The following PSEN1 variants were observed in gnomAD, a reference collection of about 807,000 sequenced individuals.
The protein encoded by PSEN1 is presenilin 1.
Under a neutral mutation model 53.5 loss-of-function variants are expected in PSEN1, and 15 were observed. The observed-to-expected ratio is 0.28, with a 90% CI of 0.19 to 0.43. The LOEUF (loss-of-function observed/expected upper bound fraction) is 0.43, where lower values mean the gene tolerates loss of function less well. Among genes scored for constraint, PSEN1 ranks in the 20% least tolerant of loss-of-function variants. The pLI, the probability that PSEN1 is intolerant of heterozygous loss-of-function variation, is 1.00. For synonymous variants in PSEN1, 208 were observed against 209.8 expected, an observed-to-expected ratio of 0.99 and a Z score of 0.08; for missense variants, 387 against 571.2, an observed-to-expected ratio of 0.68 and a Z score of 3.29.
At position 73,148,004 on chromosome 14, in the gene PSEN1, C is replaced by G; in HGVS notation, c.-16C>G. On this transcript the variant is annotated 5_prime_UTR_variant, in exon 3 of 12. Coordinates refer to ENST00000324501, the MANE Select transcript of PSEN1 (RefSeq NM_000021.4). ...CTTTGTTTTCTGTGAAACAGTATTT[C>G]TATACAGTTGCTCCAATGACAGAGT... is the stretch of plus-strand genomic sequence containing the variant. 6.3e-7 allele frequency: 1 copy of G among 1,595,670 alleles called. No homozygotes were observed. Among genetic ancestry groups the G allele is most frequent in the Non-Finnish European group, 8.6e-7 (1 of 1,163,148 alleles).
At chr14:73,155,364 A>T (rs1897324537) in intron 3 of PSEN1, among the ~76,000 whole-genome samples, 1 of 152,170 alleles carries the variant, frequency 6.6e-6, no homozygotes, top group Non-Finnish European at 1.5e-5. Context: ...GTTTTATTTA[A>T]ATTAAATGAG....
At chr14:73,146,211 C>CA (rs1227713830) in intron 1 of PSEN1, 1 of 99,384 alleles carries the variant, frequency 1.0e-5, no homozygotes. Flanking sequence ...TTTTTAAAAA[C>CA]AGAGTCTCAC....
In PSEN1 at chr14:73,192,687, G is replaced by C. The variant is rs201375628; in HGVS notation, c.592G>C (p.Val198Leu). The C allele has an allele frequency of 2.5e-6, 4 of 1,613,908 alleles. No homozygotes were observed. Among genetic ancestry groups the C allele is most frequent in the Non-Finnish European group, 3.4e-6 (4 of 1,180,000 alleles). The change falls in exon 7 of 12, where the codon GTT becomes CTT. Residue 198 changes from valine to leucine, a missense_variant. By Grantham distance (32) the Val-to-Leu change is conservative. Coordinates refer to ENST00000324501, the MANE Select transcript of PSEN1 (RefSeq NM_000021.4). ...TYNVAVDYIT[V>L]ALLIWNFGVV... ...TAACGTTGCTGTGGACTACATTACT[G>C]TTGCACTCCTGATCTGGAATTTTGG...
intron 6 of PSEN1, among the ~76,000 whole-genome samples, chr14:73,192,173 C>T (rs1898746924): frequency 6.6e-6 from 1 of 152,118 alleles, no homozygotes; most frequent in East Asian, 1.9e-4. Context: ...CACCGTGGCT[C>T]ATGCTTGTAA....
intron 11 of PSEN1, among the ~76,000 whole-genome samples, chr14:73,217,987 C>T (rs1197249632): frequency 6.6e-6 from 1 of 151,372 alleles, no homozygotes; most frequent in African/African-American, 2.4e-5. Flanking sequence ...AGGGTTTCAC[C>T]ATGTTGGCCA....
chr14:73,155,736 CT>C (rs1897335671), intron 3 of PSEN1, among the ~76,000 whole-genome samples: 1 of 152,048 alleles, frequency 6.6e-6, no homozygotes, highest in Non-Finnish European at 1.5e-5. Context: ...CCAGGCCGGT[CT>C]TGAACTCCTG....
Position 73,223,039 on chromosome 14 carries a change from C to T in PSEN1, c.*3750C>T, listed in dbSNP as rs1594762268. On this transcript the variant is annotated 3_prime_UTR_variant, in exon 12 of 12. Coordinates refer to ENST00000324501, the MANE Select transcript of PSEN1 (RefSeq NM_000021.4). The stretch of plus-strand genomic sequence containing the variant: ...CTCACCTCTTTAAATTCCCACAACA[C>T]AAGAGATTAAAAACAGAGGTTTCAG... The T allele has an allele frequency of 6.6e-6, 1 of 152,208 alleles. No homozygotes were observed. Among genetic ancestry groups the T allele is most frequent in the African/African-American group, 2.4e-5 (1 of 41,440 alleles). The allele number at this position is 152,208 out of a possible 1,614,324, so 9.4% of individuals were successfully genotyped here.
intron 1 of PSEN1, chr14:73,147,586 G>A: frequency 4.6e-6 from 1 of 215,736 alleles, no homozygotes; most frequent in South Asian, 6.9e-5. Context: ...AAGTATCTTT[G>A]TGGTTGAAAA....
At position 73,174,811 on chromosome 14, in the gene PSEN1, C is replaced by T. The variant is rs927983748; in HGVS notation, c.480+1104C>T. Among the ~76,000 whole-genome samples, 17 of 152,130 alleles carry T rather than the reference C, an allele frequency of 1.1e-4. 1 individual carries two copies. Among genetic ancestry groups the T allele is most frequent in the Admixed American group, 8.5e-4 (13 of 15,270 alleles). The stretch of plus-strand genomic sequence containing the variant: ...TGTACTACTTCCTTCCTTGGGAAGT[C>T]GGGCGCTGGGAGGTTGTACAGGAAA... On this transcript the variant is annotated intron_variant, in intron 5 of 11. Coordinates refer to ENST00000324501, the MANE Select transcript of PSEN1 (RefSeq NM_000021.4).
chr14:73,198,512 G>C (rs929837585), intron 8 of PSEN1, among the ~76,000 whole-genome samples: 6 of 152,184 alleles, frequency 3.9e-5, no homozygotes, highest in Admixed American at 3.3e-4. Flanking sequence ...GAGCAGAGCC[G>C]TGCCTTTGTA....
intron 8 of PSEN1, among the ~76,000 whole-genome samples, chr14:73,203,258 T>G (rs1483101174): frequency 6.6e-6 from 1 of 152,092 alleles, no homozygotes; most frequent in East Asian, 1.9e-4. Flanking sequence ...TTTTGTATTT[T>G]TGTATTTTTA....
chr14:73,171,077 A>C lies in PSEN1; in HGVS notation c.338+30A>C, dbSNP rs749093893. 2.5e-6 allele frequency: 4 copies of C among 1,613,250 alleles called. No individual in the cohort carries two copies. The Admixed American group carries it at 5.0e-5, about 20-fold the overall frequency. On this transcript the variant is annotated intron_variant, in intron 4 of 11. Coordinates refer to ENST00000324501, the MANE Select transcript of PSEN1 (RefSeq NM_000021.4). ...GTATGAGTTTTGTTTTATTATTCTC[A>C]AAGCCAGTGTGGCTTTTCTTTACAG...
chr14:73,216,188 G>A (rs767417421), intron 10 of PSEN1, among the ~76,000 whole-genome samples: 10 of 152,142 alleles, frequency 6.6e-5, no homozygotes, highest in Non-Finnish European at 4.4e-5. Flanking sequence ...AATAGGCGAG[G>A]CATGTATTGT....
intron 11 of PSEN1, 147 bp from the exon 12 acceptor site, chr14:73,218,987 G>A (rs1012369658): frequency 3.5e-6 from 3 of 859,894 alleles, no homozygotes; most frequent in Middle Eastern, 2.3e-4. Flanking sequence ...TCTTCTTCCA[G>A]ATTGAATGAA....
chr14:73,140,057 AATCAT>A (rs1417334250), intron 1 of PSEN1, among the ~76,000 whole-genome samples: 1 of 152,200 alleles, frequency 6.6e-6, no homozygotes, highest in Non-Finnish European at 1.5e-5. Context: ...GATTTTGAAT[AATCAT>A]ATCTCCCTTA....
chr14:73,201,091 G>A (rs1899164551), intron 8 of PSEN1, among the ~76,000 whole-genome samples: 1 of 151,908 alleles, frequency 6.6e-6, no homozygotes, highest in African/African-American at 2.4e-5. Flanking sequence ...TTGTTTGTTT[G>A]TTTGTTTGTT....
intron 5 of PSEN1, among the ~76,000 whole-genome samples, chr14:73,177,312 C>A (rs766955269): frequency 6.6e-6 from 1 of 152,236 alleles, no homozygotes; most frequent in Non-Finnish European, 1.5e-5. Context: ...TACCTGGTAG[C>A]ATATAAATCA....
At chr14:73,188,828 A>T (rs1898611328) in intron 6 of PSEN1, among the ~76,000 whole-genome samples, 1 of 152,038 alleles carries the variant, frequency 6.6e-6, no homozygotes, top group Non-Finnish European at 1.5e-5. Context: ...TCACTCTGTC[A>T]TCCAGGCTGG....
At chr14:73,179,345 G>A (rs963800565) in intron 5 of PSEN1, among the ~76,000 whole-genome samples, 1 of 152,176 alleles carries the variant, frequency 6.6e-6, no homozygotes, top group Non-Finnish European at 1.5e-5. Flanking sequence ...TGCCGGGTGT[G>A]GTGGCTCACG....
Sources: gnomAD v4.1 joint callset for allele counts (sites outside exome capture counted in the v4.1 genomes callset) on GRCh38, gnomAD v4.1.1 for gene constraint, MANE v1.5 for transcripts, NCBI Gene and HGNC (gene_info 2026-07-23, HGNC 2026-07-21) for gene names.